The following ERCC8 variants were observed in gnomAD, a reference collection of about 807,000 sequenced individuals.
ERCC8 encodes the protein ERCC excision repair 8, CSA ubiquitin ligase complex subunit, also known as DNA excision repair protein ERCC-8.
A neutral mutation model predicts 54.9 loss-of-function variants in ERCC8; 52 were observed. The observed-to-expected ratio is 0.95, with a 90% CI of 0.76 to 1.19. The LOEUF is 1.19. Among genes scored for constraint, ERCC8 ranks in the 50% most tolerant of loss-of-function variants. The pLI is 0.00. For synonymous variants in ERCC8, 146 were observed against 157.2 expected (o/e 0.93, Z 0.53); for missense variants, 514 against 466.1 (o/e 1.10, Z -0.95).
At chr5:60,935,621 C>T (rs2112541511) in intron 1 of ERCC8, among the ~76,000 whole-genome samples, 1 of 152,268 alleles carries the variant, frequency 6.6e-6, no homozygotes, top group South Asian at 2.1e-4. Flanking sequence ...TTTCAGTTCT[C>T]AGGGGGAATG....
chr5:60,898,997 C>T (rs1330281214), intron 8 of ERCC8, among the ~76,000 whole-genome samples: 3 of 142,960 alleles, frequency 2.1e-5, no homozygotes, highest in African/African-American at 7.7e-5. Context: ...TTAGAATGAA[C>T]TATATAAAAC....
At chr5:60,878,439 A>G (rs1303852968) in intron 11 of ERCC8, among the ~76,000 whole-genome samples, 2 of 152,208 alleles carry the variant, frequency 1.3e-5, no homozygotes, top group African/African-American at 4.8e-5. Context: ...TAGTTTCAGA[A>G]GGAATGGTAC....
At chr5:60,906,065 C>G (rs1749060921) in intron 4 of ERCC8, among the ~76,000 whole-genome samples, 1 of 152,122 alleles carries the variant, frequency 6.6e-6, no homozygotes, top group African/African-American at 2.4e-5. Context: ...AAAGGCCAAT[C>G]TCAGGTTCTA....
intron 11 of ERCC8, among the ~76,000 whole-genome samples, chr5:60,883,050 C>T (rs1372945355): frequency 6.6e-6 from 1 of 151,744 alleles, no homozygotes; most frequent in Non-Finnish European, 1.5e-5. Context: ...CTTCCTAATC[C>T]TACTATGGAA....
rs774944497 is a variant in ERCC8 at position 60,903,666 on chromosome 5, A to G, written c.532T>C (p.Cys178Arg). 1.9e-6 allele frequency: 3 copies of G among 1,612,762 alleles called. No individual in the cohort carries two copies. The highest frequency in any genetic ancestry group is 1.1e-5 in the South Asian group (1 of 91,044). ...AAAATACCCTGTAGAATGTGAGAAC[A>G]GGATCCAGACTTCAAGTCACAAAGT... ...VQLCDLKSGS[C>R]SHILQGHRQE... The change falls in exon 6 of 12, where the codon TGT becomes CGT. Residue 178 changes from cysteine to arginine, a missense_variant. By Grantham distance (180) the Cys-to-Arg change is radical. Coordinates refer to ENST00000676185, the MANE Select transcript of ERCC8 (RefSeq NM_000082.4).
intron 2 of ERCC8, among the ~76,000 whole-genome samples, chr5:60,926,465 T>C (rs1223029164): frequency 6.6e-6 from 1 of 152,208 alleles, no homozygotes; most frequent in African/African-American, 2.4e-5. Context: ...TAAGATAAAT[T>C]CAATACCAAT....
chr5:60,939,771 C>T (rs957551853), intron 1 of ERCC8, among the ~76,000 whole-genome samples: 6 of 152,194 alleles, frequency 3.9e-5, no homozygotes, highest in Non-Finnish European at 8.8e-5. Flanking sequence ...GCTGGGATTA[C>T]AGGCTGCAAT....
At chr5:60,911,672 A>G (rs1235280598) in intron 4 of ERCC8, among the ~76,000 whole-genome samples, 3 of 152,120 alleles carry the variant, frequency 2.0e-5, no homozygotes, top group Non-Finnish European at 4.4e-5. Flanking sequence ...GCCCATACCT[A>G]TGTCCTGAAT....
intron 11 of ERCC8, among the ~76,000 whole-genome samples, chr5:60,882,970 A>AACACACAC (rs10550173): frequency 0.018 from 2,586 of 144,790 alleles, 86 homozygotes; most frequent in African/African-American, 0.061. Context: ...GCCCTGGGAA[A>AACACACAC]ACACACACAC....
At chr5:60,879,517 G>C (rs865977496) in intron 11 of ERCC8, among the ~76,000 whole-genome samples, 1 of 152,104 alleles carries the variant, frequency 6.6e-6, no homozygotes. Context: ...TCTCTTTTTA[G>C]GTCTCTAAGG....
At chr5:60,902,166 A>C (rs1212977976) in intron 7 of ERCC8, among the ~76,000 whole-genome samples, 1 of 152,092 alleles carries the variant, frequency 6.6e-6, no homozygotes, top group Non-Finnish European at 1.5e-5. Flanking sequence ...TCTATTTAAA[A>C]ATTAGCACTG....
chr5:60,921,510 C>G (rs1749599053), intron 3 of ERCC8, among the ~76,000 whole-genome samples: 1 of 151,872 alleles, frequency 6.6e-6, no homozygotes. Context: ...CAGTAGAGAA[C>G]AGTCAGAGAA....
At chr5:60,938,074 T>TTTTTTTTTTAGGTTACGAAGTTTC in intron 1 of ERCC8, among the ~76,000 whole-genome samples, 1 of 37,528 alleles carries the variant, frequency 2.7e-5, no homozygotes, top group Non-Finnish European at 5.4e-5. Context: ...TATATATATA[T>TTTTTTTTTTAGGTTACGAAGTTTC]ATATATATAT....
At chr5:60,897,973 A>C (rs1748766680) in intron 9 of ERCC8, among the ~76,000 whole-genome samples, 1 of 152,162 alleles carries the variant, frequency 6.6e-6, no homozygotes. Flanking sequence ...ACTTAGCTTC[A>C]TATCTTTAAT....
chr5:60,881,457 G>C (rs554305696), intron 11 of ERCC8, among the ~76,000 whole-genome samples: 40 of 152,322 alleles, frequency 2.6e-4, no homozygotes, highest in African/African-American at 9.4e-4. Flanking sequence ...TGCCCCCAGA[G>C]GTGAAGTCTA....
intron 11 of ERCC8, among the ~76,000 whole-genome samples, chr5:60,885,723 G>A (rs1371191270): frequency 6.6e-6 from 1 of 151,390 alleles, no homozygotes; most frequent in Non-Finnish European, 1.5e-5. Context: ...CTCTTTATTT[G>A]GATTAAGGAC....
chr5:60,918,171 T>C (rs1385573516), intron 4 of ERCC8, 94 bp downstream of exon 4: 4 of 986,942 alleles, frequency 4.1e-6, no homozygotes, highest in Non-Finnish European at 6.4e-6. Context: ...ATCTAACATA[T>C]ATGACATCTC....
intron 4 of ERCC8, among the ~76,000 whole-genome samples, chr5:60,912,782 T>C (rs1749309765): frequency 6.6e-6 from 1 of 152,136 alleles, no homozygotes; most frequent in Non-Finnish European, 1.5e-5. Context: ...ACCTAGTTTA[T>C]TGAGAGTTTT....
chr5:60,879,933 G>A (rs1256499569), intron 11 of ERCC8, among the ~76,000 whole-genome samples: 7 of 152,232 alleles, frequency 4.6e-5, no homozygotes, highest in East Asian at 1.9e-4. Flanking sequence ...TATTTTGCTC[G>A]TTAGTTGATG....
Sources: gnomAD v4.1 joint callset for allele counts (sites outside exome capture counted in the v4.1 genomes callset) on GRCh38, gnomAD v4.1.1 for gene constraint, MANE v1.5 for transcripts, NCBI Gene and HGNC (gene_info 2026-07-23, HGNC 2026-07-21) for gene names.